DKKL1: variants seen among roughly 807,000 people sequenced by gnomAD.
DKKL1 encodes the protein dickkopf-like protein 1.
DKKL1 carries 11 observed loss-of-function variants against 16.5 expected under a neutral mutation model. That is an observed-to-expected ratio of 0.67 (90% confidence interval 0.42 to 1.10). The LOEUF is 1.10. DKKL1 is among the 50% of genes least tolerant of loss of function. DKKL1 has a pLI of 0.00. For synonymous variants in DKKL1, 119 were observed against 133.2 expected, an observed-to-expected ratio of 0.89 and a Z score of 0.73; for missense variants, 320 against 308.1, an observed-to-expected ratio of 1.04 and a Z score of -0.29.
Position 49,375,102 on chromosome 19 carries a change from CTTTCTT to C in DKKL1, c.*75_*80del. On this transcript the variant is annotated 3_prime_UTR_variant, in exon 5 of 5. Coordinates refer to ENST00000221498, the MANE Select transcript of DKKL1 (RefSeq NM_014419.4). ...CCAAGCACCATATGGAAATAAAGTT[CTTTCTT>C]ACATCTAACAACACCATCTCCTTTC... The C allele has an allele frequency of 6.9e-7, 1 of 1,456,694 alleles. No individual in the cohort carries two copies. The highest frequency in any genetic ancestry group is 9.1e-7 in the Non-Finnish European group (1 of 1,093,066). The allele number at this position is 1,456,694 out of a possible 1,614,324, so 90.2% of individuals were successfully genotyped here.
intron 4 of DKKL1, among the ~76,000 whole-genome samples, chr19:49,371,354 CTTT>C (rs1469443662): frequency 6.6e-6 from 1 of 152,172 alleles, no homozygotes; most frequent in Non-Finnish European, 1.5e-5. Context: ...TCTCTCTGGA[CTTT>C]TACATTCTCT....
At chr19:49,368,915 C>G (rs1973364559) in intron 4 of DKKL1, 1 of 152,222 alleles carries the variant, frequency 6.6e-6, no homozygotes, top group Admixed American at 6.5e-5. Context: ...GTTATTACTT[C>G]TCCAAGTCTT....
intron 2 of DKKL1, among the ~76,000 whole-genome samples, chr19:49,365,093 G>C (rs1454939380): frequency 3.3e-5 from 5 of 152,180 alleles, no homozygotes; most frequent in African/African-American, 1.2e-4. Flanking sequence ...TTGAGCCCAG[G>C]AGGTCGAGGC....
chr19:49,374,923 C>T lies in DKKL1; in HGVS notation c.624C>T (p.Thr208=), dbSNP rs1973668036. 3 of 1,613,888 alleles carry T rather than the reference C, an allele frequency of 1.9e-6. No individual in the cohort carries two copies. The highest frequency in any genetic ancestry group is 2.5e-6 in the Non-Finnish European group (3 of 1,179,958). The change falls in exon 5 of 5, where the codon ACC becomes ACT. Residue 208 remains threonine (T), a synonymous_variant. Transcript: ENST00000221498. Reference sequence around the variant, plus strand: ...TCCGGGATGGACTCCGCAAGGGGACCCACAAGGACGTCCTAGAAGAGGGGA... The same window carrying T: ...TCCGGGATGGACTCCGCAAGGGGACTCACAAGGACGTCCTAGAAGAGGGGA... The part of the protein sequence containing the change: ...QAIRDGLRKG[T]HKDVLEEGTE...
intron 4 of DKKL1, among the ~76,000 whole-genome samples, chr19:49,373,575 T>C (rs1973594608): frequency 1.3e-5 from 2 of 151,990 alleles, no homozygotes. Context: ...GTTCAAGTGA[T>C]TCTCCTGCCT....
chr19:49,368,634 C>T (rs1438087692), intron 4 of DKKL1: 1 of 152,148 alleles, frequency 6.6e-6, no homozygotes, highest in Non-Finnish European at 1.5e-5. Context: ...CAGCAACCTC[C>T]ACCTTCTAGG....
intron 4 of DKKL1, among the ~76,000 whole-genome samples, chr19:49,366,713 GTTT>G (rs775185405): frequency 6.9e-6 from 1 of 144,632 alleles, no homozygotes; most frequent in Non-Finnish European, 1.5e-5. Flanking sequence ...TGTTTTTTTG[GTTT>G]TTTTTTTTGA....
rs1331589675 is a variant in DKKL1, at chr19:49,364,746, T to C, written c.175T>C (p.Phe59Leu). The C allele has an allele frequency of 6.2e-7, 1 of 1,612,394 alleles. No individual in the cohort carries two copies. The highest frequency in any genetic ancestry group is 1.7e-5 in the Admixed American group (1 of 59,474). The change falls in exon 2 of 5, where the codon TTC becomes CTC. Residue 59 changes from phenylalanine (F) to leucine (L), a missense_variant. By Grantham distance (22) the Phe-to-Leu change is conservative. Coordinates refer to ENST00000221498, the MANE Select transcript of DKKL1 (RefSeq NM_014419.4). ...CCTACTCCAAGGCTTCAGCCGACTT[T>C]TCCTGAAAGTAAGCGATGGCGGGGG... ...QSLLQGFSRL[F>L]LKGNLLRGID...
chr19:49,361,558 G>A (rs1568586395), upstream of DKKL1: 1 of 152,204 alleles, frequency 6.6e-6, no homozygotes, highest in Admixed American at 6.5e-5. Flanking sequence ...CCCATCAGGG[G>A]AGGGGCTTGC....
At position 49,372,611 on chromosome 19, in the gene DKKL1, G is replaced by A. The variant is rs571796873; in HGVS notation, c.418-2106G>A. On this transcript the variant is annotated intron_variant, in intron 4 of 4. Coordinates refer to ENST00000221498, the MANE Select transcript of DKKL1 (RefSeq NM_014419.4). ...CAGAAGGCTGAGGCAGGAGAATGGC[G>A]TGAACCCGGGAGGTGGAGCTTGCAG... Among the ~76,000 whole-genome samples the A allele has an allele frequency of 7.9e-5, 12 of 151,346 alleles. No individual in the cohort carries two copies. The East Asian group carries it at 1.8e-3, about 22-fold the overall frequency.
chr19:49,364,503 TG>T, intron 1 of DKKL1, 78 bp from the exon 2 acceptor site: 1 of 1,339,758 alleles, frequency 7.5e-7, no homozygotes, highest in Non-Finnish European at 1.0e-6. Context: ...GGAGGCGACC[TG>T]GGCAAGGTGC....
chr19:49,374,918 G>A lies in DKKL1; in HGVS notation c.619G>A (p.Gly207Arg), dbSNP rs775185318. Reference sequence around the variant, plus strand: ...GGCCATCCGGGATGGACTCCGCAAGGGGACCCACAAGGACGTCCTAGAAGA... The same window carrying A: ...GGCCATCCGGGATGGACTCCGCAAGAGGACCCACAAGGACGTCCTAGAAGA... ...LQAIRDGLRK[G>R]THKDVLEEGT... The change falls in exon 5 of 5, where the codon GGG becomes AGG. Residue 207 changes from glycine to arginine, a missense_variant. By Grantham distance (125) the Gly-to-Arg change is moderately radical. Transcript: ENST00000221498. The A allele has an allele frequency of 6.2e-7, 1 of 1,613,990 alleles. No individual in the cohort carries two copies. The highest frequency in any genetic ancestry group is 8.5e-7 in the Non-Finnish European group (1 of 1,179,960).
chr19:49,367,489 C>T (rs2146775699), intron 4 of DKKL1, among the ~76,000 whole-genome samples: 1 of 151,650 alleles, frequency 6.6e-6, no homozygotes, highest in East Asian at 1.9e-4. Context: ...TCACTGCAAC[C>T]TCCATCTCCC....
intron 4 of DKKL1, among the ~76,000 whole-genome samples, chr19:49,373,363 T>C (rs1973583321): frequency 6.6e-6 from 1 of 152,136 alleles, no homozygotes; most frequent in Admixed American, 6.5e-5. Flanking sequence ...TGACCTCATC[T>C]TCACCAATTA....
chr19:49,369,264 T>C (rs55809481), intron 4 of DKKL1: 28,795 of 152,116 alleles, frequency 0.19, 3,300 homozygotes, highest in Non-Finnish European at 0.25. Flanking sequence ...GTGATTCTCC[T>C]GCCTCAGCCT....
chr19:49,373,855 G>A (rs1030819939), intron 4 of DKKL1, among the ~76,000 whole-genome samples: 1 of 152,174 alleles, frequency 6.6e-6, no homozygotes. Flanking sequence ...CAGCAGGTCT[G>A]AGTGGGGTGG....
intron 4 of DKKL1, among the ~76,000 whole-genome samples, chr19:49,374,066 G>A (rs1973622933): frequency 6.6e-6 from 1 of 151,574 alleles, no homozygotes; most frequent in African/African-American, 2.4e-5. Context: ...CTCACTGCAA[G>A]CTCCGCCTCC....
At chr19:49,364,040 C>G in intron 1 of DKKL1, 32 bp downstream of exon 1, 1 of 1,611,882 alleles carries the variant, frequency 6.2e-7, no homozygotes, top group Non-Finnish European at 8.5e-7. Context: ...TGAACGTGGG[C>G]GAAAGTGAGG....
At chr19:49,363,642 A>G (rs943832865), upstream of DKKL1, 47 of 374,918 alleles carry the variant, frequency 1.3e-4, no homozygotes, top group South Asian at 6.2e-4. Flanking sequence ...CTTGGTCTCC[A>G]GGACTGAGGT....
Sources: gnomAD v4.1 joint callset for allele counts (sites outside exome capture counted in the v4.1 genomes callset) on GRCh38, gnomAD v4.1.1 for gene constraint, MANE v1.5 for transcripts, NCBI Gene and HGNC (gene_info 2026-07-23, HGNC 2026-07-21) for gene names.